PXDN: variants seen among roughly 807,000 people sequenced by gnomAD.
PXDN encodes the protein peroxidasin, also known as peroxidasin homolog.
A neutral mutation model predicts 140.3 loss-of-function variants in PXDN; 77 were observed. The ratio of observed to expected loss-of-function variants is 0.55; its 90% CI spans 0.46 to 0.66. The LOEUF (loss-of-function observed/expected upper bound fraction) is 0.66, where lower values mean the gene tolerates loss of function less well. Ranked by LOEUF, PXDN falls within the 30% of genes least tolerant of loss-of-function variation. PXDN has a pLI of 0.00. For synonymous variants in PXDN, 911 were observed against 857.4 expected, an observed-to-expected ratio of 1.06 and a Z score of -1.09; for missense variants, 1,838 against 2,039.5, an observed-to-expected ratio of 0.90 and a Z score of 1.90.
intron 14 of PXDN, among the ~76,000 whole-genome samples, chr2:1,655,985 TCAAA>T (rs912545587): frequency 1.3e-5 from 2 of 150,746 alleles, no homozygotes; most frequent in African/African-American, 4.9e-5. Flanking sequence ...ACATAGCCCA[TCAAA>T]CATATAGATA....
rs762544953 is a variant in PXDN at position 1,635,434 on chromosome 2, CT to C, written c.4293del (p.Asp1432MetfsTer29). The C allele has an allele frequency of 2.5e-6, 4 of 1,596,778 alleles. No individual in the cohort carries two copies. The highest frequency in any genetic ancestry group is 2.3e-5 in the East Asian group (1 of 44,398). On this transcript the variant is annotated frameshift_variant, in exon 22 of 23. Coordinates refer to ENST00000252804, the MANE Select transcript of PXDN (RefSeq NM_012293.3). LOFTEE classifies it low-confidence loss of function (END_TRUNC). ...TTGCATTCACAAATGGTGCATGCAT[CT>C]TTTTTCCACTTGGTGTTGTTGGCGT... ...ESHANNTKWK[K>X]DACTICECKD... is the part of the protein sequence containing the mutation.
intron 1 of PXDN, among the ~76,000 whole-genome samples, chr2:1,743,222 C>G (rs1252977278): frequency 6.6e-6 from 1 of 152,190 alleles, no homozygotes; most frequent in African/African-American, 2.4e-5. Flanking sequence ...TGACGCGGGA[C>G]GGCCCGCAGG....
At chr2:1,738,708 C>G (rs1685473063) in intron 1 of PXDN, among the ~76,000 whole-genome samples, 1 of 152,068 alleles carries the variant, frequency 6.6e-6, no homozygotes. Flanking sequence ...ACCACCAGGC[C>G]CAGCTAATTG....
chr2:1,692,055 T>A, intron 2 of PXDN, 56 bp from the exon 3 acceptor site: 3 of 1,249,960 alleles, frequency 2.4e-6, no homozygotes, highest in Non-Finnish European at 3.3e-6. Context: ...AACTTCGAAG[T>A]TGTGTTAAAA....
chr2:1,679,414 CGT>C (rs1249729566), intron 7 of PXDN, among the ~76,000 whole-genome samples: 1 of 87,852 alleles, frequency 1.1e-5, no homozygotes, highest in South Asian at 4.3e-4. Context: ...ATGGTATGTG[CGT>C]GTGTGGTGTG....
At chr2:1,720,671 C>CTCTCTCTCTGCATCTCTTTT (rs1178665431) in intron 1 of PXDN, among the ~76,000 whole-genome samples, 1 of 148,826 alleles carries the variant, frequency 6.7e-6, no homozygotes, top group Non-Finnish European at 1.5e-5. Flanking sequence ...GCATCTCTTT[C>CTCTCTCTCTGCATCTCTTTT]TCTCTGCATC....
At chr2:1,682,499 A>T (rs116330292) in intron 6 of PXDN, among the ~76,000 whole-genome samples, 2 of 152,214 alleles carry the variant, frequency 1.3e-5, no homozygotes, top group South Asian at 4.1e-4. Context: ...TACTGAATAC[A>T]CTCAGTAATA....
At chr2:1,738,131 G>A (rs1685460733) in intron 1 of PXDN, among the ~76,000 whole-genome samples, 1 of 151,780 alleles carries the variant, frequency 6.6e-6, no homozygotes, top group African/African-American at 2.4e-5. Context: ...TGGTAAAGTT[G>A]GTCTTCTCTT....
chr2:1,634,539 A>G (rs1363987919), intron 22 of PXDN, among the ~76,000 whole-genome samples: 3 of 152,170 alleles, frequency 2.0e-5, no homozygotes, highest in Admixed American at 6.5e-5. Context: ...GGGAGCCCCC[A>G]TAACAAGTCT....
chr2:1,676,109 T>C (rs1235961333), intron 8 of PXDN, among the ~76,000 whole-genome samples: 1 of 152,090 alleles, frequency 6.6e-6, no homozygotes, highest in Admixed American at 6.5e-5. Context: ...TCTGACCTCA[T>C]TCCCACCTAG....
chr2:1,660,423 G>C lies in PXDN; in HGVS notation c.1837+458C>G, dbSNP rs1683277247. 6.6e-6 allele frequency among the ~76,000 whole-genome samples: 1 copy of C among 152,198 alleles called. No homozygotes were observed. Among genetic ancestry groups the C allele is most frequent in the Non-Finnish European group, 1.5e-5 (1 of 68,034 alleles). The stretch of plus-strand genomic sequence containing the variant: ...ATGTAAGGCTGCCTACGAGCACCTA[G>C]AGGTTCCCACTGAAAGATGCTTCCA... On this transcript the variant is annotated intron_variant, in intron 14 of 22. Transcript: ENST00000252804. This position sits in a 1 kb window ranked among gnomAD's most constrained non-coding sequence, Gnocchi z 4.6.
chr2:1,648,658 T>C lies in PXDN; in HGVS notation c.3122A>G (p.Glu1041Gly). 6.2e-7 allele frequency: 1 copy of C among 1,608,682 alleles called. No homozygotes were observed. The change falls in exon 17 of 23, where the codon GAG becomes GGG. Residue 1041 changes from glutamate to glycine, a missense_variant. Glu to Gly is a moderately conservative substitution (Grantham distance 98). This residue lies in a region of PXDN where 850 missense variants were observed against 894.1 expected (regional missense o/e 0.95). Coordinates refer to ENST00000252804, the MANE Select transcript of PXDN (RefSeq NM_012293.3). This position sits in a 1 kb window ranked among gnomAD's most constrained non-coding sequence, Gnocchi z 8.9. The part of the protein sequence containing the change: ...YQHWLPKILG[E>G]VGMRTLGEYH... ...CTCTCCCAGCGTCCTCATGCCCACCTCCCCCAGGATCTTCGGGAGCCAGTG... is the reference window on the plus strand; with the variant it reads ...CTCTCCCAGCGTCCTCATGCCCACCCCCCCCAGGATCTTCGGGAGCCAGTG...
At chr2:1,739,379 T>C (rs1685488848) in intron 1 of PXDN, among the ~76,000 whole-genome samples, 1 of 152,116 alleles carries the variant, frequency 6.6e-6, no homozygotes, top group South Asian at 2.1e-4. Context: ...CGACCCTGGA[T>C]CAAGCCACGC....
chr2:1,633,522 G>A lies in PXDN; in HGVS notation c.*682C>T, dbSNP rs757265194. 2.6e-5 allele frequency: 4 copies of A among 151,912 alleles called. No individual in the cohort carries two copies. The highest frequency in any genetic ancestry group is 4.8e-5 in the African/African-American group (2 of 41,310). The allele number at this position is 151,912 out of a possible 1,614,324, so 9.4% of individuals were successfully genotyped here. A position where few individuals can be genotyped will look rare whatever the true frequency, so the allele number is the denominator to read the frequency against. On this transcript the variant is annotated 3_prime_UTR_variant, in exon 23 of 23. Transcript: ENST00000252804. ...AGGCTATACAGCTGCTTCGAGCAGCGGGAATGTTTGTCTTGGGATTAGATG... is the reference window on the plus strand; with the variant it reads ...AGGCTATACAGCTGCTTCGAGCAGCAGGAATGTTTGTCTTGGGATTAGATG...
intron 1 of PXDN, among the ~76,000 whole-genome samples, chr2:1,711,617 T>TCCACCAGCCCCCA (rs1684787126): frequency 1.7e-5 from 1 of 59,644 alleles, no homozygotes; most frequent in African/African-American, 9.6e-5. Context: ...CAGCACCCAC[T>TCCACCAGCCCCCA]CTCCACCAGC....
In PXDN at chr2:1,721,565, G is replaced by A. The variant is rs190699901; in HGVS notation, c.200+22691C>T. ...TAAAAGCCTCAAATTGGCCGGGTGC[G>A]GTGGCTCACGCCTGTAATCCCAGCA... On this transcript the variant is annotated intron_variant, in intron 1 of 22. Transcript: ENST00000252804. Among the ~76,000 whole-genome samples, 6 of 152,154 alleles carry A rather than the reference G, an allele frequency of 3.9e-5. No individual in the cohort carries two copies. In the East Asian group the frequency reaches 5.8e-4, roughly 15 times the overall value.
intron 1 of PXDN, among the ~76,000 whole-genome samples, chr2:1,734,300 T>C (rs1040204735): frequency 6.6e-6 from 1 of 152,214 alleles, no homozygotes; most frequent in South Asian, 2.1e-4. Flanking sequence ...ATACATACTT[T>C]AAAAAATATT....
At chr2:1,702,773 C>T (rs1220801205) in intron 1 of PXDN, among the ~76,000 whole-genome samples, 1 of 151,268 alleles carries the variant, frequency 6.6e-6, no homozygotes, top group East Asian at 1.9e-4. Context: ...GGACTACAGG[C>T]ACCCGCCACT....
Position 1,648,444 on chromosome 2 carries a change from G to T in PXDN, c.3336C>A (p.Gly1112=). 3.7e-6 allele frequency: 6 copies of T among 1,610,410 alleles called. No homozygotes were observed. Among genetic ancestry groups the T allele is most frequent in the Non-Finnish European group, 4.2e-6 (5 of 1,179,808 alleles). Residue 1112 remains glycine, a synonymous_variant, in exon 17 of 23, where the codon GGC becomes GGA. Coordinates refer to ENST00000252804, the MANE Select transcript of PXDN (RefSeq NM_012293.3). The surrounding 1 kb of genome is among the most constrained non-coding windows in gnomAD (Gnocchi z 8.9). ...FFSPFRIVNE[G]GIDPLLRGLF... ...GCCCCCTGAGAAGCGGATCGATGCC[G>T]CCCTCATTCACAATCCGGAAGGGAG...
Sources: gnomAD v4.1 joint callset for allele counts (sites outside exome capture counted in the v4.1 genomes callset) on GRCh38, gnomAD v4.1.1 for gene constraint, gnomAD v4.1.1 regional missense constraint, Gnocchi (gnomAD v3.1) non-coding constraint, MANE v1.5 for transcripts, NCBI Gene and HGNC (gene_info 2026-07-23, HGNC 2026-07-21) for gene names.